SLCO1B3: variants seen among roughly 807,000 people sequenced by gnomAD.
The protein encoded by SLCO1B3 is solute carrier organic anion transporter family member 1B3, also known as liver-specific organic anion transporter 2.
Under a neutral mutation model 71.8 loss-of-function variants are expected in SLCO1B3, and 72 were observed. The observed-to-expected ratio is 1.00, with a 90% CI of 0.83 to 1.22. SLCO1B3 has a LOEUF of 1.22. SLCO1B3 is among the 50% of genes most tolerant of loss of function. SLCO1B3 has a pLI of 0.00. For synonymous variants in SLCO1B3, 298 were observed against 278.4 expected (o/e 1.07, Z -0.70); for missense variants, 911 against 819.7 (o/e 1.11, Z -1.36).
At chr12:20,896,171 A>T (rs1312653941) in intron 13 of SLCO1B3, among the ~76,000 whole-genome samples, 1 of 151,870 alleles carries the variant, frequency 6.6e-6, no homozygotes, top group African/African-American at 2.4e-5. Flanking sequence ...CACATGTCCT[A>T]AAGACATTTT....
intron 8 of SLCO1B3, among the ~76,000 whole-genome samples, chr12:20,870,002 T>G (rs990965067): frequency 6.6e-5 from 10 of 152,162 alleles, no homozygotes; most frequent in Admixed American, 5.9e-4. Context: ...ACTTTTCTCA[T>G]TCTTTATTTT....
intron 3 of SLCO1B3, among the ~76,000 whole-genome samples, chr12:20,845,636 T>A (rs1466957828): frequency 6.6e-6 from 1 of 152,254 alleles, no homozygotes; most frequent in African/African-American, 2.4e-5. Flanking sequence ...ATTTGTGATG[T>A]ATCATATGAT....
At chr12:20,844,907 G>A (rs995383513) in intron 3 of SLCO1B3, among the ~76,000 whole-genome samples, 1 of 151,384 alleles carries the variant, frequency 6.6e-6, no homozygotes, top group African/African-American at 2.4e-5. Context: ...GTGCATGCCT[G>A]TAATCTCAGC....
intron 3 of SLCO1B3, among the ~76,000 whole-genome samples, chr12:20,820,715 T>C (rs1330663033): frequency 6.6e-6 from 1 of 152,120 alleles, no homozygotes; most frequent in Non-Finnish European, 1.5e-5. Flanking sequence ...AAATGTATAT[T>C]GAGAATAAGA....
chr12:20,910,795 A>G (rs564475363), intron 15 of SLCO1B3, among the ~76,000 whole-genome samples: 1 of 152,274 alleles, frequency 6.6e-6, no homozygotes, highest in African/African-American at 2.4e-5. Context: ...TCACTTTGGC[A>G]TATTAATCTT....
chr12:20,855,204 T>C (rs898641966), intron 4 of SLCO1B3, 35 bp downstream of exon 4: 7 of 1,557,154 alleles, frequency 4.5e-6, no homozygotes, highest in Non-Finnish European at 6.2e-6. Flanking sequence ...TAACCATACT[T>C]GCATAAGTTG....
chr12:20,828,467 A>G (rs1864472780), intron 3 of SLCO1B3, among the ~76,000 whole-genome samples: 1 of 152,072 alleles, frequency 6.6e-6, no homozygotes, highest in South Asian at 2.1e-4. Context: ...GGCTGTTAGA[A>G]ATGATTTTAG....
At chr12:20,822,571 A>G (rs994641758) in intron 3 of SLCO1B3, among the ~76,000 whole-genome samples, 1 of 152,126 alleles carries the variant, frequency 6.6e-6, no homozygotes, top group African/African-American at 2.4e-5. Flanking sequence ...GTATACGTGC[A>G]AGTCACAGGG....
At chr12:20,872,081 G>A (rs531106812) in intron 8 of SLCO1B3, among the ~76,000 whole-genome samples, 16 of 151,980 alleles carry the variant, frequency 1.1e-4, no homozygotes, top group South Asian at 2.1e-4. Flanking sequence ...CTATGGCTAC[G>A]CTGGCACCCA....
At position 20,874,902 on chromosome 12, in the gene SLCO1B3, C is replaced by T. The variant is rs145929565; in HGVS notation, c.728-333C>T. 5.7e-3 allele frequency among the ~76,000 whole-genome samples: 875 copies of T among 152,192 alleles called. 3 individuals carry two copies. The highest frequency in any genetic ancestry group is 7.1e-3 in the Admixed American group (109 of 15,266). On this transcript the variant is annotated intron_variant, in intron 8 of 15. Transcript: ENST00000381545. ...ACAACAGTGAGGATTCATATTTCTTCCATGAACAGTTATTAAATGGTCTGA... is the reference window on the plus strand; with the variant it reads ...ACAACAGTGAGGATTCATATTTCTTTCATGAACAGTTATTAAATGGTCTGA...
At position 20,875,495 on chromosome 12, in the gene SLCO1B3, A is replaced by G. The variant is rs753017803; in HGVS notation, c.970+18A>G. ...TGTGACTGGTAGGTATTTGACATTC[A>G]TTGTCAACTTGGAATTGTTAATCTC... On this transcript the variant is annotated intron_variant, in intron 9 of 15. Transcript: ENST00000381545. 1.9e-6 allele frequency: 3 copies of G among 1,589,502 alleles called. No individual in the cohort carries two copies. The highest frequency in any genetic ancestry group is 8.5e-7 in the Non-Finnish European group (1 of 1,174,528).
chr12:20,823,443 C>G (rs4762676), intron 3 of SLCO1B3, among the ~76,000 whole-genome samples: 80,567 of 151,896 alleles, frequency 0.53, 22,012 homozygotes, highest in East Asian at 0.74. Flanking sequence ...TTAGGCAAGA[C>G]TAGAATCAAA....
intron 8 of SLCO1B3, among the ~76,000 whole-genome samples, chr12:20,873,139 G>T (rs1055046018): frequency 3.3e-5 from 5 of 152,146 alleles, no homozygotes; most frequent in African/African-American, 1.2e-4. Flanking sequence ...TTAAATCTAG[G>T]GGCAGGAAGA....
At chr12:20,858,760 T>G in intron 5 of SLCO1B3, 189 bp downstream of exon 5, 1 of 382,660 alleles carries the variant, frequency 2.6e-6, no homozygotes, top group Non-Finnish European at 4.6e-6. Context: ...ATTTCTTTAT[T>G]TATCATGGCT....
intron 3 of SLCO1B3, among the ~76,000 whole-genome samples, chr12:20,843,460 C>T (rs1301881078): frequency 6.6e-6 from 1 of 152,034 alleles, no homozygotes; most frequent in Non-Finnish European, 1.5e-5. Context: ...TATAAAATTA[C>T]AGTTTTAATG....
At chr12:20,897,816 A>G (rs1866045393) in intron 13 of SLCO1B3, among the ~76,000 whole-genome samples, 1 of 152,208 alleles carries the variant, frequency 6.6e-6, no homozygotes, top group Non-Finnish European at 1.5e-5. Flanking sequence ...TGGTAGTGTC[A>G]TCAGTTTATT....
intron 13 of SLCO1B3, among the ~76,000 whole-genome samples, chr12:20,890,428 A>T (rs951495265): frequency 2.0e-5 from 3 of 152,232 alleles, no homozygotes; most frequent in Non-Finnish European, 4.4e-5. Context: ...TTGGCATAGC[A>T]TGTGGTCAGT....
At chr12:20,840,692 G>T (rs1377023795) in intron 3 of SLCO1B3, among the ~76,000 whole-genome samples, 2 of 152,078 alleles carry the variant, frequency 1.3e-5, no homozygotes, top group East Asian at 3.9e-4. Flanking sequence ...CCCTAGGCAG[G>T]ATAGGATGGC....
chr12:20,841,040 C>T (rs544559626), intron 3 of SLCO1B3, among the ~76,000 whole-genome samples: 35 of 152,284 alleles, frequency 2.3e-4, no homozygotes, highest in African/African-American at 8.2e-4. Context: ...AGCCCTCAGA[C>T]TTGTCCAACC....
Sources: gnomAD v4.1 joint callset for allele counts (sites outside exome capture counted in the v4.1 genomes callset) on GRCh38, gnomAD v4.1.1 for gene constraint, MANE v1.5 for transcripts, NCBI Gene and HGNC (gene_info 2026-07-23, HGNC 2026-07-21) for gene names.